The following TRDN variants were observed in gnomAD, a reference collection of about 807,000 sequenced individuals.
TRDN encodes the protein triadin, also known as triadin in skeletal muscle.
Under a neutral mutation model 149.7 loss-of-function variants are expected in TRDN, and 161 were observed. The ratio of observed to expected loss-of-function variants is 1.08; its 90% CI spans 0.95 to 1.23. The LOEUF (loss-of-function observed/expected upper bound fraction) is 1.23. Among genes scored for constraint, TRDN ranks in the 50% most tolerant of loss-of-function variants. TRDN has a pLI of 0.00. For missense variants in TRDN, 896 were observed against 823.5 expected, an observed-to-expected ratio of 1.09 and a Z score of -1.08; for synonymous variants, 294 against 250.5, an observed-to-expected ratio of 1.17 and a Z score of -1.64.
intron 8 of TRDN, chr6:123,501,860 G>T (rs560629816): frequency 3.2e-6 from 3 of 943,156 alleles, no homozygotes; most frequent in South Asian, 9.8e-5. Flanking sequence ...TAATAAATCT[G>T]ATTACTGATA....
intron 12 of TRDN, among the ~76,000 whole-genome samples, chr6:123,418,918 A>C (rs1468537304): frequency 1.3e-5 from 2 of 152,040 alleles, no homozygotes; most frequent in South Asian, 2.1e-4. Context: ...TTTAAAATAC[A>C]GTTGTCTTTC....
rs1186685461 is a variant in TRDN at position 123,269,874 on chromosome 6, G to A, written c.1721-8C>T. ...TTGTTGGTTTGGGCTTGGCTGTGGAGAATGGAGGCAAGCACATGGCATATT... is the reference window on the plus strand; with the variant it reads ...TTGTTGGTTTGGGCTTGGCTGTGGAAAATGGAGGCAAGCACATGGCATATT... On this transcript the variant is annotated splice_region_variant and splice_polypyrimidine_tract_variant and intron_variant, in intron 30 of 40. Coordinates refer to ENST00000334268, the MANE Select transcript of TRDN (RefSeq NM_006073.4). 6.2e-7 allele frequency: 1 copy of A among 1,610,134 alleles called. No homozygotes were observed. The highest frequency in any genetic ancestry group is 8.5e-7 in the Non-Finnish European group (1 of 1,177,794).
intron 21 of TRDN, among the ~76,000 whole-genome samples, chr6:123,348,850 G>C (rs375424960): frequency 2.6e-5 from 4 of 152,072 alleles, no homozygotes; most frequent in African/African-American, 9.7e-5. Context: ...GAATGTCAAA[G>C]GGATACATAA....
rs957617625 is a variant in TRDN, at chr6:123,502,444, T to G, written c.793+1275A>C. The G allele has an allele frequency of 4.8e-6, 3 of 629,664 alleles. No homozygotes were observed. In the African/African-American group the frequency reaches 5.9e-5, roughly 12 times the overall value. The allele number at this position is 629,664 out of a possible 1,614,324, so 39.0% of individuals were successfully genotyped here. A position where few individuals can be genotyped will look rare whatever the true frequency, so the allele number is the denominator to read the frequency against. ...AATAATAAATTAAAATTATCTAAAT[T>G]TAAAGGTTTGTAGATCACTAAAAAA... On this transcript the variant is annotated intron_variant, in intron 8 of 40. Coordinates refer to ENST00000334268, the MANE Select transcript of TRDN (RefSeq NM_006073.4).
chr6:123,511,849 G>C (rs561844489), intron 7 of TRDN, among the ~76,000 whole-genome samples: 254 of 152,218 alleles, frequency 1.7e-3, no homozygotes, highest in South Asian at 5.0e-3. Context: ...GACAGCCAAT[G>C]GGCAAAAGTA....
At chr6:123,517,375 T>C (rs1474792878) in intron 5 of TRDN, among the ~76,000 whole-genome samples, 1 of 152,130 alleles carries the variant, frequency 6.6e-6, no homozygotes, top group Non-Finnish European at 1.5e-5. Context: ...ATACCCTGAC[T>C]TCTCTTTTGA....
intron 9 of TRDN, chr6:123,468,883 C>A (rs1776990985): frequency 6.6e-6 from 1 of 152,064 alleles, no homozygotes; most frequent in African/African-American, 2.4e-5. Context: ...TTTGGAAGGA[C>A]CCCAATCCTG....
At chr6:123,529,079 A>G in intron 5 of TRDN, 2 of 1,439,342 alleles carry the variant, frequency 1.4e-6, no homozygotes, top group Admixed American at 2.7e-5. Flanking sequence ...TAATATAGCC[A>G]GGTCCAAAAT....
At chr6:123,495,920 A>G (rs1778424529) in intron 9 of TRDN, among the ~76,000 whole-genome samples, 1 of 151,782 alleles carries the variant, frequency 6.6e-6, no homozygotes, top group Non-Finnish European at 1.5e-5. Flanking sequence ...GATGGAGTTA[A>G]GAATTATCAC....
At chr6:123,327,060 A>G (rs1025932266) in intron 23 of TRDN, among the ~76,000 whole-genome samples, 3 of 152,160 alleles carry the variant, frequency 2.0e-5, no homozygotes, top group African/African-American at 7.2e-5. Context: ...AGTCTTGAAG[A>G]TGTCTTAAAT....
intron 12 of TRDN, among the ~76,000 whole-genome samples, chr6:123,406,791 A>T (rs1773209655): frequency 6.6e-6 from 1 of 152,326 alleles, no homozygotes; most frequent in Middle Eastern, 3.4e-3. Context: ...AAGAGAAAGT[A>T]TTATTTCACA....
chr6:123,398,259 C>G (rs1582967969), intron 12 of TRDN, among the ~76,000 whole-genome samples: 2 of 152,308 alleles, frequency 1.3e-5, no homozygotes, highest in East Asian at 3.9e-4. Flanking sequence ...CCTGCCTCGG[C>G]CTCCCAAAGT....
At chr6:123,480,836 C>G (rs1177020298) in intron 9 of TRDN, among the ~76,000 whole-genome samples, 2 of 152,028 alleles carry the variant, frequency 1.3e-5, no homozygotes, top group Non-Finnish European at 2.9e-5. Context: ...AATAATGCCT[C>G]CTATCTCCTA....
chr6:123,464,756 A>G, intron 10 of TRDN, 150 bp downstream of exon 10: 1 of 1,406,082 alleles, frequency 7.1e-7, no homozygotes. Context: ...GCAAATTGCA[A>G]TTTTAGGAAA....
chr6:123,517,975 T>C (rs1290781056), intron 5 of TRDN, among the ~76,000 whole-genome samples: 2 of 152,224 alleles, frequency 1.3e-5, no homozygotes, highest in East Asian at 3.9e-4. Context: ...CATCACAAGG[T>C]CTCAGTCACA....
chr6:123,408,202 G>T (rs568413490), intron 12 of TRDN, among the ~76,000 whole-genome samples: 2 of 152,262 alleles, frequency 1.3e-5, no homozygotes, highest in African/African-American at 4.8e-5. Flanking sequence ...TGTGTTTAGT[G>T]CTATTTATCT....
At chr6:123,336,696 G>T in intron 22 of TRDN, among the ~76,000 whole-genome samples, 1 of 151,706 alleles carries the variant, frequency 6.6e-6, no homozygotes, top group Middle Eastern at 3.4e-3. Context: ...CATATTAGAT[G>T]CAGAATAAAT....
At chr6:123,456,961 G>T in intron 10 of TRDN, 1 of 402,220 alleles carries the variant, frequency 2.5e-6, no homozygotes, top group East Asian at 8.0e-5. Context: ...AGGAAAAATT[G>T]GTACTTGTAA....
rs115586030 is a variant in TRDN at position 123,375,048 on chromosome 6, T to C, written c.1273+557A>G. Reference sequence around the variant, plus strand: ...AGTTACTTCATCAAACTAAGAAATATCAACAATTTCTCAGCATTTTTTCCT... The same window carrying C: ...AGTTACTTCATCAAACTAAGAAATACCAACAATTTCTCAGCATTTTTTCCT... On this transcript the variant is annotated intron_variant, in intron 19 of 40. Coordinates refer to ENST00000334268, the MANE Select transcript of TRDN (RefSeq NM_006073.4). 1.6e-3 allele frequency among the ~76,000 whole-genome samples: 250 copies of C among 152,298 alleles called. 2 individuals carry two copies. Among genetic ancestry groups the C allele is most frequent in the African/African-American group, 5.7e-3 (238 of 41,570 alleles).
Sources: allele counts gnomAD v4.1 joint callset (sites outside exome capture counted in the v4.1 genomes callset), GRCh38; gene constraint gnomAD v4.1.1; transcripts MANE v1.5; gene names NCBI Gene and HGNC (gene_info 2026-07-23, HGNC 2026-07-21).